Variants in MYO5A observed in about 807,000 individuals in gnomAD.
MYO5A encodes unconventional myosin-Va.
Under a neutral mutation model 249.7 loss-of-function variants are expected in MYO5A, and 98 were observed. That is an observed-to-expected ratio of 0.39 (90% CI 0.33 to 0.46). The LOEUF (loss-of-function observed/expected upper bound fraction) is 0.46. Ranked by LOEUF, MYO5A falls within the 20% of genes least tolerant of loss-of-function variation. MYO5A has a pLI of 0.98. For synonymous variants in MYO5A, 778 were observed against 810.6 expected (o/e 0.96, Z 0.68); for missense variants, 1,696 against 2,308.8 (o/e 0.73, Z 5.44).
chr15:52,383,633 G>A (rs1025601410), intron 15 of MYO5A, among the ~76,000 whole-genome samples: 4 of 152,198 alleles, frequency 2.6e-5, no homozygotes, highest in African/African-American at 9.6e-5. Context: ...TAAAATTAGG[G>A]ACCTAGGATC....
At chr15:52,391,883 G>C (rs1477991069) in intron 12 of MYO5A, 47 bp downstream of exon 12, 6 of 1,583,396 alleles carry the variant, frequency 3.8e-6, no homozygotes, top group Non-Finnish European at 8.7e-7. Flanking sequence ...TTCTGACCTT[G>C]ATACATCTAT....
At chr15:52,336,354 T>C (rs1209880175) in intron 34 of MYO5A, 109 bp downstream of exon 34, 1 of 709,972 alleles carries the variant, frequency 1.4e-6, no homozygotes, top group Non-Finnish European at 2.5e-6. Context: ...TTTGTTATTA[T>C]CCCTAATATT....
At chr15:52,443,809 T>C (rs1254839506) in intron 1 of MYO5A, among the ~76,000 whole-genome samples, 2 of 151,600 alleles carry the variant, frequency 1.3e-5, no homozygotes, top group African/African-American at 4.8e-5. Context: ...GGTGAAACCC[T>C]GTCTCTACTA....
chr15:52,523,216 C>T (rs2077659048), intron 1 of MYO5A, among the ~76,000 whole-genome samples: 1 of 151,288 alleles, frequency 6.6e-6, no homozygotes, highest in African/African-American at 2.4e-5. Context: ...TTTCCCACAC[C>T]TTCTGCCCCT....
Position 52,433,235 on chromosome 15 carries a change from C to T in MYO5A, c.78G>A (p.Glu26=). The change falls in exon 2 of 42, where the codon GAG becomes GAA. Residue 26 remains glutamate (E), a synonymous_variant. Coordinates refer to ENST00000399233, the MANE Select transcript of MYO5A (RefSeq NM_001382347.1). The part of the protein sequence containing the change: ...PDPEEVWKSA[E]LLKDYKPGDK... ...CTCCTGGCTTATAATCTTTGAGCAG[C>T]TCTGCTGACTTCCAGACTTCCTCTG... 1 of 1,613,866 alleles carries T rather than the reference C, an allele frequency of 6.2e-7. No homozygotes were observed. Among genetic ancestry groups the T allele is most frequent in the Non-Finnish European group, 8.5e-7 (1 of 1,179,902 alleles).
chr15:52,459,732 C>CA (rs1042211301), intron 1 of MYO5A, among the ~76,000 whole-genome samples: 1 of 152,114 alleles, frequency 6.6e-6, no homozygotes, highest in African/African-American at 2.4e-5. Flanking sequence ...CCTCACTTCC[C>CA]AAAAGGGGCT....
chr15:52,449,482 A>G (rs1269476760), intron 1 of MYO5A, among the ~76,000 whole-genome samples: 1 of 152,010 alleles, frequency 6.6e-6, no homozygotes, highest in Non-Finnish European at 1.5e-5. Context: ...CTCATCACCC[A>G]TATAATACCT....
At chr15:52,368,816 G>A (rs527851026) in intron 22 of MYO5A, among the ~76,000 whole-genome samples, 32 of 152,278 alleles carry the variant, frequency 2.1e-4, no homozygotes, top group Admixed American at 1.8e-3. Context: ...ATCTGAATCT[G>A]CTTGTGTGTT....
In MYO5A at chr15:52,340,398, C is replaced by T. The variant is rs373327087; in HGVS notation, c.4041-4G>A. ...CTGCAGCTGGGATTCCAGGAGCCTG[C>T]GGAGAGGACACATGGGTCGGAAGGG... is the stretch of plus-strand genomic sequence containing the variant. On this transcript the variant is annotated splice_polypyrimidine_tract_variant and splice_region_variant and intron_variant, in intron 31 of 41. Transcript: ENST00000399233. The T allele has an allele frequency of 4.7e-5, 76 of 1,611,160 alleles. No individual in the cohort carries two copies. Among genetic ancestry groups the T allele is most frequent in the Admixed American group, 3.3e-4 (20 of 59,990 alleles).
At chr15:52,314,990 G>C (rs2037929303) in intron 40 of MYO5A, among the ~76,000 whole-genome samples, 1 of 152,138 alleles carries the variant, frequency 6.6e-6, no homozygotes, top group Non-Finnish European at 1.5e-5. Flanking sequence ...AATAAATTAA[G>C]CACCAGAGAA....
chr15:52,394,934 T>C lies in MYO5A; in HGVS notation c.1401+1382A>G, dbSNP rs150376627. 5.1e-4 allele frequency among the ~76,000 whole-genome samples: 77 copies of C among 152,380 alleles called. 1 individual carries two copies. The highest frequency in any genetic ancestry group is 7.8e-4 in the Non-Finnish European group (53 of 68,038). On this transcript the variant is annotated intron_variant, in intron 11 of 41. Transcript: ENST00000399233. ...AGTCATCTTATTATGGAAATAGTCA[T>C]AAGCCTAAAGTTTTAAGATCACTTC...
At chr15:52,515,989 A>G (rs920292448) in intron 1 of MYO5A, among the ~76,000 whole-genome samples, 4 of 152,226 alleles carry the variant, frequency 2.6e-5, no homozygotes, top group African/African-American at 9.7e-5. Flanking sequence ...GTAAGAATTT[A>G]CTAAATACCG....
intron 9 of MYO5A, among the ~76,000 whole-genome samples, chr15:52,402,512 C>T (rs2042807178): frequency 6.6e-6 from 1 of 152,064 alleles, no homozygotes; most frequent in African/African-American, 2.4e-5. Context: ...CAAGGTGGGG[C>T]AGAACTATCA....
Position 52,337,840 on chromosome 15 carries a change from T to C in MYO5A, c.4284A>G (p.Ser1428=). 1.9e-6 allele frequency: 3 copies of C among 1,544,806 alleles called. No individual in the cohort carries two copies. The highest frequency in any genetic ancestry group is 1.2e-5 in the South Asian group (1 of 83,336). Residue 1428 remains serine, a synonymous_variant, in exon 33 of 42, where the codon TCA becomes TCG. Transcript: ENST00000399233. ...LYADDPKKYQ[S]YRISLYKRMI... ...TCCGTTTGTAAAGGGAAATCCGATATGATTGATACTTCTTAGGGTCATCTG... is the reference window on the plus strand; with the variant it reads ...TCCGTTTGTAAAGGGAAATCCGATACGATTGATACTTCTTAGGGTCATCTG...
intron 9 of MYO5A, among the ~76,000 whole-genome samples, chr15:52,404,229 T>TG (rs2042894854): frequency 6.9e-6 from 1 of 144,624 alleles, no homozygotes; most frequent in South Asian, 2.2e-4. Flanking sequence ...TGCATGCCTT[T>TG]GCACTCCAGC....
At chr15:52,343,049 C>CAGG (rs781133345) in intron 31 of MYO5A, 68 bp downstream of exon 31, 1 of 1,274,038 alleles carries the variant, frequency 7.8e-7, no homozygotes, top group Non-Finnish European at 1.1e-6. Context: ...GGGTGAAAGT[C>CAGG]AGGAGGTCAC....
At chr15:52,316,950 C>G in intron 40 of MYO5A, 98 bp downstream of exon 40, 1 of 1,328,142 alleles carries the variant, frequency 7.5e-7, no homozygotes, top group Non-Finnish European at 1.1e-6. Flanking sequence ...ATGAAGTCAG[C>G]TCAGAGATAC....
intron 16 of MYO5A, among the ~76,000 whole-genome samples, chr15:52,381,933 A>G (rs4776042): frequency 0.89 from 135,992 of 152,240 alleles, 62,588 homozygotes; most frequent in Non-Finnish European, 1. Flanking sequence ...ACGAAGTCTC[A>G]CTCTTGTCCC....
At position 52,321,348 on chromosome 15, in the gene MYO5A, C is replaced by T. The variant is rs759827016; in HGVS notation, c.4951+11G>A. The T allele has an allele frequency of 3.2e-5, 52 of 1,614,024 alleles. No individual in the cohort carries two copies. The highest frequency in any genetic ancestry group is 1.7e-6 in the Non-Finnish European group (2 of 1,180,046). ...GGCAGGCTGCAATGCCCAGTGGGGCCCTGGCCTTACCAATCATTGGCTGAA... is the reference window on the plus strand; with the variant it reads ...GGCAGGCTGCAATGCCCAGTGGGGCTCTGGCCTTACCAATCATTGGCTGAA... On this transcript the variant is annotated intron_variant, in intron 38 of 41. Coordinates refer to ENST00000399233, the MANE Select transcript of MYO5A (RefSeq NM_001382347.1).
Sources: allele counts gnomAD v4.1 joint callset (sites outside exome capture counted in the v4.1 genomes callset), GRCh38; gene constraint gnomAD v4.1.1; transcripts MANE v1.5; gene names NCBI Gene and HGNC (gene_info 2026-07-23, HGNC 2026-07-21).